MDGA2: variants seen among roughly 807,000 people sequenced by gnomAD.
The protein encoded by MDGA2 is MAM domain-containing glycosylphosphatidylinositol anchor protein 2.
In MDGA2, 40 loss-of-function variants were observed where a neutral mutation model predicts 117.8. That is an observed-to-expected ratio of 0.34 (90% CI 0.26 to 0.44). MDGA2 has a LOEUF of 0.44. MDGA2 is among the 20% of genes least tolerant of loss of function. The probability of loss-of-function intolerance (pLI) is 1.00; values close to 1 mark genes in which losing one functional copy is unlikely to be tolerated. For missense variants in MDGA2, 1,123 were observed against 1,250.6 expected (o/e 0.90, Z 1.54); for synonymous variants, 452 against 439.0 (o/e 1.03, Z -0.37).
Position 47,216,809 on chromosome 14 carries a change from G to A in MDGA2, c.595+1212C>T, listed in dbSNP as rs927278092. ...ATTTAGTCAGGAAAATGGAAGCCAG[G>A]GGCTATATTATTTTGGGAAGTATAC... On this transcript the variant is annotated intron_variant, in intron 3 of 16. Transcript: ENST00000399232. 1.6e-4 allele frequency among the ~76,000 whole-genome samples: 24 copies of A among 152,058 alleles called. 1 individual carries two copies. In the Middle Eastern group the frequency reaches 0.01, roughly 65 times the overall value.
At chr14:47,149,433 T>A (rs1354809056) in intron 3 of MDGA2, among the ~76,000 whole-genome samples, 1 of 152,224 alleles carries the variant, frequency 6.6e-6, no homozygotes, top group African/African-American at 2.4e-5. Flanking sequence ...TCTACTGCTA[T>A]CAACATTTGC....
chr14:46,842,484 A>AAC (rs1323375603), intron 16 of MDGA2, among the ~76,000 whole-genome samples: 1 of 152,202 alleles, frequency 6.6e-6, no homozygotes, highest in Non-Finnish European at 1.5e-5. Context: ...TAACTATTGC[A>AAC]ACTAGTAGAT....
chr14:47,322,549 A>C (rs1180784583), intron 1 of MDGA2, among the ~76,000 whole-genome samples: 1 of 152,130 alleles, frequency 6.6e-6, no homozygotes, highest in African/African-American at 2.4e-5. Context: ...GCTCAATCAG[A>C]TTTTATCCTT....
rs370481455 is a variant in MDGA2, at chr14:47,540,563, T to TATATATATATAC, written c.280+133953_280+133954insGTATATATATAT. On this transcript the variant is annotated intron_variant, in intron 1 of 16. Coordinates refer to ENST00000399232, the MANE Select transcript of MDGA2 (RefSeq NM_001113498.3). Reference sequence around the variant, plus strand: ...GTGTATATATATATATGTATATATATACACACACACATAGAGAGAGAGACA... The same window carrying TATATATATATAC: ...GTGTATATATATATATGTATATATATATATATATATACACACACACACATAGAGAGAGAGACA... 9.9e-4 allele frequency among the ~76,000 whole-genome samples: 111 copies of TATATATATATAC among 112,492 alleles called. 1 individual carries two copies. The highest frequency in any genetic ancestry group is 7.3e-4 in the African/African-American group (25 of 34,158). 73.8% of individuals were successfully genotyped at this position (112,492 alleles called of 152,430 possible).
intron 8 of MDGA2, among the ~76,000 whole-genome samples, chr14:46,984,384 T>C (rs1040762430): frequency 6.6e-6 from 1 of 152,016 alleles, no homozygotes; most frequent in Non-Finnish European, 1.5e-5. Context: ...ATTATGAGTG[T>C]TTCAATTATA....
chr14:47,349,073 A>T (rs1460811667), intron 1 of MDGA2, among the ~76,000 whole-genome samples: 1 of 152,238 alleles, frequency 6.6e-6, no homozygotes, highest in African/African-American at 2.4e-5. Flanking sequence ...AAACAGTTGA[A>T]TTGATACAAA....
intron 1 of MDGA2, among the ~76,000 whole-genome samples, chr14:47,626,896 C>T (rs953059288): frequency 1.3e-5 from 2 of 152,262 alleles, no homozygotes; most frequent in African/African-American, 2.4e-5. Flanking sequence ...TGCAGGCGCA[C>T]GGCGCTGGAC....
intron 10 of MDGA2, among the ~76,000 whole-genome samples, chr14:46,883,450 G>T (rs967131869): frequency 2.0e-5 from 3 of 151,944 alleles, no homozygotes; most frequent in African/African-American, 7.2e-5. Context: ...ATCTGATAAA[G>T]AAGATCCAAC....
chr14:47,166,033 C>CTTTTTTTTT (rs35219016), intron 3 of MDGA2, among the ~76,000 whole-genome samples: 1 of 115,516 alleles, frequency 8.7e-6, no homozygotes, highest in Non-Finnish European at 1.8e-5. Flanking sequence ...GCACTGTTTA[C>CTTTTTTTTT]TTTTTTTTTT....
intron 5 of MDGA2, among the ~76,000 whole-genome samples, chr14:47,129,407 C>G (rs576974644): frequency 6.6e-6 from 1 of 152,142 alleles, no homozygotes; most frequent in Non-Finnish European, 1.5e-5. Context: ...CATGTCCCCA[C>G]AAAGGACATG....
intron 1 of MDGA2, among the ~76,000 whole-genome samples, chr14:47,437,184 C>CATAT (rs1205146237): frequency 6.6e-6 from 1 of 151,972 alleles, no homozygotes; most frequent in Non-Finnish European, 1.5e-5. Context: ...GTTAAGTAAG[C>CATAT]ATATAACTGT....
intron 2 of MDGA2, among the ~76,000 whole-genome samples, chr14:47,300,859 T>C (rs1889255674): frequency 6.6e-6 from 1 of 152,138 alleles, no homozygotes; most frequent in Admixed American, 6.5e-5. Flanking sequence ...ATTGCTTCTA[T>C]TAAATTAGTT....
At chr14:47,001,923 G>A (rs1887544217) in intron 8 of MDGA2, among the ~76,000 whole-genome samples, 1 of 152,038 alleles carries the variant, frequency 6.6e-6, no homozygotes, top group Non-Finnish European at 1.5e-5. Flanking sequence ...ACAGGCAAGA[G>A]AGATCTCCAG....
At chr14:47,076,560 ATGTGTGTGTGTG>A (rs145260703) in intron 6 of MDGA2, among the ~76,000 whole-genome samples, 2 of 147,072 alleles carry the variant, frequency 1.4e-5, no homozygotes, top group African/African-American at 2.5e-5. Flanking sequence ...AGTGTGTGTT[ATGTGTGTGTGTG>A]TGTGTGTGTG....
In MDGA2 at chr14:47,241,772, TA is replaced by T. The variant is rs942171443; in HGVS notation, c.421-23578del. Among the ~76,000 whole-genome samples the T allele has an allele frequency of 4.0e-5, 6 of 151,106 alleles. No homozygotes were observed. In the East Asian group the frequency reaches 5.8e-4, roughly 15 times the overall value. On this transcript the variant is annotated intron_variant, in intron 2 of 16. Transcript: ENST00000399232. ...ATATTTTATGATTTTTCCACTGAGG[TA>T]AAAAAAAATGTTTAACATTCAATTG...
intron 1 of MDGA2, among the ~76,000 whole-genome samples, chr14:47,657,957 T>C (rs539182379): frequency 7.9e-5 from 12 of 152,272 alleles, no homozygotes; most frequent in African/African-American, 2.9e-4. Context: ...GGAGACAGTG[T>C]AGTATCCTCA....
At chr14:47,445,226 C>T (rs1246923300) in intron 1 of MDGA2, among the ~76,000 whole-genome samples, 1 of 151,914 alleles carries the variant, frequency 6.6e-6, no homozygotes, top group South Asian at 2.1e-4. Flanking sequence ...GCATTTGATT[C>T]CCACACTGAA....
intron 1 of MDGA2, among the ~76,000 whole-genome samples, chr14:47,479,335 A>T (rs987465318): frequency 6.6e-6 from 1 of 151,990 alleles, no homozygotes; most frequent in African/African-American, 2.4e-5. Flanking sequence ...CAATCTAATG[A>T]AGGATCTCTT....
chr14:47,373,558 G>C (rs1891411913), intron 1 of MDGA2, among the ~76,000 whole-genome samples: 2 of 152,014 alleles, frequency 1.3e-5, no homozygotes, highest in Non-Finnish European at 2.9e-5. Flanking sequence ...AGTCACAAAA[G>C]ACCACATAGT....
Sources: gnomAD v4.1 joint callset for allele counts (sites outside exome capture counted in the v4.1 genomes callset) on GRCh38, gnomAD v4.1.1 for gene constraint, MANE v1.5 for transcripts, NCBI Gene and HGNC (gene_info 2026-07-23, HGNC 2026-07-21) for gene names.